PRKCB: variants seen among roughly 807,000 people sequenced by gnomAD.
The protein encoded by PRKCB is protein kinase C beta.
A neutral mutation model predicts 81.5 loss-of-function variants in PRKCB; 13 were observed. The ratio of observed to expected loss-of-function variants is 0.16; its 90% CI spans 0.10 to 0.25. PRKCB has a LOEUF of 0.25. Among genes scored for constraint, PRKCB ranks in the 10% least tolerant of loss-of-function variants. The pLI is 1.00. For synonymous variants in PRKCB, 335 were observed against 321.4 expected (o/e 1.04, Z -0.45); for missense variants, 509 against 875.7 (o/e 0.58, Z 5.29).
At chr16:24,029,375 C>G (rs1270796180) in intron 3 of PRKCB, among the ~76,000 whole-genome samples, 1 of 152,106 alleles carries the variant, frequency 6.6e-6, no homozygotes, top group Non-Finnish European at 1.5e-5. Context: ...AGTTCTCACA[C>G]GATCTGATGG....
chr16:23,870,383 G>C (rs539220268), intron 2 of PRKCB, among the ~76,000 whole-genome samples: 23 of 152,290 alleles, frequency 1.5e-4, no homozygotes, highest in African/African-American at 5.3e-4. Context: ...ATAGCATGTG[G>C]TATGTGCCAG....
intron 2 of PRKCB, among the ~76,000 whole-genome samples, chr16:23,891,032 ATG>A (rs1480604694): frequency 2.8e-5 from 4 of 145,016 alleles, no homozygotes; most frequent in African/African-American, 1.1e-4. Context: ...TATATATATA[ATG>A]TGTGTGTATA....
chr16:23,912,518 T>TC (rs1276270441), intron 2 of PRKCB, among the ~76,000 whole-genome samples: 1 of 125,472 alleles, frequency 8.0e-6, no homozygotes, highest in South Asian at 2.8e-4. Context: ...TTTTTTTTTT[T>TC]TTTTTTTTTT....
intron 3 of PRKCB, among the ~76,000 whole-genome samples, chr16:24,008,661 T>C (rs1374191567): frequency 1.3e-5 from 2 of 152,048 alleles, no homozygotes; most frequent in Non-Finnish European, 2.9e-5. Flanking sequence ...TGGCTGCTTT[T>C]CCCCCCACCC....
chr16:23,951,300 T>C (rs1016155394), intron 2 of PRKCB, among the ~76,000 whole-genome samples: 4 of 152,232 alleles, frequency 2.6e-5, no homozygotes, highest in Admixed American at 1.3e-4. Context: ...TTTGCCAATC[T>C]AATGGATAAA....
In PRKCB at chr16:24,217,876, A is replaced by T; in HGVS notation, c.*3060A>T. On this transcript the variant is annotated 3_prime_UTR_variant, in exon 17 of 17. Transcript: ENST00000643927. ...TAGGGGCCCTAACACAGTTCAGTTC[A>T]TACAGGGGTTCAAAAGGGACAGTGG... 2.0e-6 allele frequency: 2 copies of T among 985,436 alleles called. No individual in the cohort carries two copies. Among genetic ancestry groups the T allele is most frequent in the Non-Finnish European group, 2.4e-6 (2 of 829,936 alleles). 61.0% of individuals were successfully genotyped at this position (985,436 alleles called of 1,614,324 possible). A position where few individuals can be genotyped will look rare whatever the true frequency, so the allele number is the denominator to read the frequency against.
intron 4 of PRKCB, among the ~76,000 whole-genome samples, chr16:24,033,633 G>A (rs1002851698): frequency 6.6e-6 from 1 of 152,060 alleles, no homozygotes; most frequent in Non-Finnish European, 1.5e-5. Flanking sequence ...AAGGTGGTGG[G>A]TACTTGTAAT....
At chr16:24,023,714 G>A (rs1312668203) in intron 3 of PRKCB, among the ~76,000 whole-genome samples, 1 of 152,176 alleles carries the variant, frequency 6.6e-6, no homozygotes, top group Non-Finnish European at 1.5e-5. Context: ...TACTGTACCA[G>A]TGGTGGAAAT....
chr16:23,993,850 A>T (rs1964921506), intron 3 of PRKCB, among the ~76,000 whole-genome samples: 1 of 152,188 alleles, frequency 6.6e-6, no homozygotes, highest in Non-Finnish European at 1.5e-5. Context: ...CTAGAAGTGA[A>T]ATAGGTGGGA....
intron 2 of PRKCB, among the ~76,000 whole-genome samples, chr16:23,957,329 C>T (rs1048137220): frequency 1.3e-5 from 2 of 152,118 alleles, no homozygotes; most frequent in Non-Finnish European, 2.9e-5. Context: ...GACTAGTGCA[C>T]ATGTAGTAAA....
chr16:24,041,053 A>ATTTTTTT (rs142356879), intron 5 of PRKCB, among the ~76,000 whole-genome samples: 7 of 136,948 alleles, frequency 5.1e-5, no homozygotes, highest in South Asian at 2.6e-4. Flanking sequence ...TGCAACAATA[A>ATTTTTTT]TTTTTTTTGT....
At chr16:23,951,326 T>A (rs1440904051) in intron 2 of PRKCB, among the ~76,000 whole-genome samples, 1 of 152,262 alleles carries the variant, frequency 6.6e-6, no homozygotes, top group African/African-American at 2.4e-5. Flanking sequence ...TTGTATTAAT[T>A]TGCATTTCCC....
Position 24,025,365 on chromosome 16 carries a change from A to G in PRKCB, c.289-6771A>G, listed in dbSNP as rs538991174. On this transcript the variant is annotated intron_variant, in intron 3 of 16. Transcript: ENST00000643927. ...CTGTAAAACAGGGGTAGTAAGTAGT[A>G]TGTACTTTATAGGGCTGTTATGAGG... Among the ~76,000 whole-genome samples the G allele has an allele frequency of 2.0e-5, 3 of 152,326 alleles. 1 individual carries two copies. The South Asian group carries it at 6.2e-4, about 32-fold the overall frequency.
At chr16:24,055,180 C>T (rs1383473616) in intron 5 of PRKCB, among the ~76,000 whole-genome samples, 3 of 152,238 alleles carry the variant, frequency 2.0e-5, no homozygotes, top group African/African-American at 2.4e-5. Flanking sequence ...TGAAGCTGAC[C>T]GTTCCTTTCA....
intron 16 of PRKCB, among the ~76,000 whole-genome samples, chr16:24,193,100 C>T (rs1460127091): frequency 6.6e-6 from 1 of 152,006 alleles, no homozygotes; most frequent in Non-Finnish European, 1.5e-5. Flanking sequence ...GCTGGGACTA[C>T]AGGAGTGTAC....
At chr16:23,871,207 G>A (rs1404450299) in intron 2 of PRKCB, among the ~76,000 whole-genome samples, 1 of 152,212 alleles carries the variant, frequency 6.6e-6, no homozygotes. Flanking sequence ...CATAGCAAGG[G>A]TGTGGCTCTA....
intron 2 of PRKCB, among the ~76,000 whole-genome samples, chr16:23,972,143 C>T (rs368718909): frequency 6.6e-5 from 10 of 152,104 alleles, no homozygotes; most frequent in African/African-American, 1.4e-4. Context: ...CGTGCATGCG[C>T]GAGTCTCAAA....
At chr16:23,949,216 CAA>C (rs1165967366) in intron 2 of PRKCB, among the ~76,000 whole-genome samples, 1 of 152,040 alleles carries the variant, frequency 6.6e-6, no homozygotes. Flanking sequence ...AACGAACAAA[CAA>C]AAGAAAGAAA....
At chr16:24,030,716 CAAA>C (rs59739745) in intron 3 of PRKCB, among the ~76,000 whole-genome samples, 2 of 131,388 alleles carry the variant, frequency 1.5e-5, no homozygotes, top group Non-Finnish European at 1.6e-5. Context: ...CCCCTCTCTA[CAAA>C]AAAAAAAAAA....
Sources: allele counts gnomAD v4.1 joint callset (sites outside exome capture counted in the v4.1 genomes callset), GRCh38; gene constraint gnomAD v4.1.1; transcripts MANE v1.5; gene names NCBI Gene and HGNC (gene_info 2026-07-23, HGNC 2026-07-21).